Variants in KIAA1958 observed in about 807,000 individuals in gnomAD.
KIAA1958 encodes the protein uncharacterized protein KIAA1958.
A neutral mutation model predicts 47.2 loss-of-function variants in KIAA1958; 14 were observed. The observed-to-expected ratio is 0.30, with a 90% CI of 0.20 to 0.46. The LOEUF (loss-of-function observed/expected upper bound fraction) is 0.46. KIAA1958 is among the 20% of genes least tolerant of loss of function. The pLI, the probability that KIAA1958 is intolerant of heterozygous loss-of-function variation, is 1.00. For synonymous variants in KIAA1958, 354 were observed against 353.3 expected (o/e 1.00, Z -0.02); for missense variants, 803 against 909.2 (o/e 0.88, Z 1.50).
chr9:112,624,356 G>C (rs1836566704), intron 2 of KIAA1958, among the ~76,000 whole-genome samples: 1 of 152,190 alleles, frequency 6.6e-6, no homozygotes, highest in Admixed American at 6.5e-5. Context: ...TTCAAACATT[G>C]CTTTCCCTTC....
At chr9:112,638,145 T>C (rs975334047) in intron 2 of KIAA1958, among the ~76,000 whole-genome samples, 1 of 151,988 alleles carries the variant, frequency 6.6e-6, no homozygotes, top group Non-Finnish European at 1.5e-5. Flanking sequence ...AGAGACTCCA[T>C]CTCAAAAAAA....
intron 1 of KIAA1958, among the ~76,000 whole-genome samples, chr9:112,533,376 A>G (rs1175387025): frequency 2.6e-5 from 4 of 151,174 alleles, no homozygotes; most frequent in African/African-American, 4.9e-5. Flanking sequence ...GGAGATCGAG[A>G]CCACCCTGGC....
chr9:112,525,472 A>G (rs1392217848), intron 1 of KIAA1958, among the ~76,000 whole-genome samples: 1 of 152,234 alleles, frequency 6.6e-6, no homozygotes, highest in Non-Finnish European at 1.5e-5. Context: ...TCATTTATTC[A>G]TAATGGTATG....
In KIAA1958 at chr9:112,645,791, A is replaced by AATTGG. The variant is rs1836965079; in HGVS notation, c.1313_1314insATTGG (p.Asn438LysfsTer17). 1 of 1,613,630 alleles carries AATTGG rather than the reference A, an allele frequency of 6.2e-7. No homozygotes were observed. Among genetic ancestry groups the AATTGG allele is most frequent in the Non-Finnish European group, 8.5e-7 (1 of 1,179,908 alleles). On this transcript the variant is annotated frameshift_variant, in exon 3 of 4. Transcript: ENST00000337530. LOFTEE classifies it high-confidence loss of function. ...GTGTGGCGTTATTGGTGCATGACCA[A>AATTGG]CGGGCTCAAAGACCACACAGACATC...
At chr9:112,535,141 T>C (rs1834830267) in intron 1 of KIAA1958, among the ~76,000 whole-genome samples, 1 of 152,226 alleles carries the variant, frequency 6.6e-6, no homozygotes, top group Admixed American at 6.5e-5. Context: ...TTTTCAAGTG[T>C]ACGATATAAA....
intron 1 of KIAA1958, among the ~76,000 whole-genome samples, chr9:112,556,587 A>T (rs183398546): frequency 5.9e-5 from 9 of 152,298 alleles, no homozygotes; most frequent in East Asian, 5.8e-4. Context: ...TTCCTGTCTC[A>T]GCCTCCCAAA....
chr9:112,617,848 C>T, intron 2 of KIAA1958: 1 of 1,525,750 alleles, frequency 6.6e-7, no homozygotes, highest in Non-Finnish European at 8.8e-7. Context: ...CCTCTCTATC[C>T]CTCCCCCCCC....
chr9:112,644,672 T>G (rs1279207287), intron 2 of KIAA1958, among the ~76,000 whole-genome samples: 1 of 152,186 alleles, frequency 6.6e-6, no homozygotes, highest in Non-Finnish European at 1.5e-5. Flanking sequence ...TTAAACCATG[T>G]TCCCTTTCCT....
chr9:112,558,800 C>T (rs916670233), intron 1 of KIAA1958, among the ~76,000 whole-genome samples: 5 of 152,152 alleles, frequency 3.3e-5, no homozygotes. Flanking sequence ...AGATCTCATT[C>T]CCATGAGCAA....
chr9:112,625,518 A>G (rs982737250), intron 2 of KIAA1958, among the ~76,000 whole-genome samples: 4 of 151,764 alleles, frequency 2.6e-5, no homozygotes, highest in African/African-American at 9.7e-5. Context: ...AGGTGCTCAC[A>G]CCCTGTTAGG....
At chr9:112,591,021 A>G (rs957850966) in intron 2 of KIAA1958, among the ~76,000 whole-genome samples, 1 of 152,198 alleles carries the variant, frequency 6.6e-6, no homozygotes, top group African/African-American at 2.4e-5. Flanking sequence ...AAGGAAAAGA[A>G]GGGCTGTAAC....
chr9:112,559,325 A>C (rs1400932804), intron 1 of KIAA1958, among the ~76,000 whole-genome samples: 1 of 152,240 alleles, frequency 6.6e-6, no homozygotes, highest in Non-Finnish European at 1.5e-5. Context: ...CACACTGATA[A>C]ACTTTGGTTT....
At chr9:112,505,247 G>T (rs1587992129) in intron 1 of KIAA1958, among the ~76,000 whole-genome samples, 1 of 152,010 alleles carries the variant, frequency 6.6e-6, no homozygotes, top group African/African-American at 2.4e-5. Context: ...AGTTCTTTAG[G>T]CTAGCACCCT....
In KIAA1958 at chr9:112,574,611, A is replaced by G. The variant is rs1448822592; in HGVS notation, c.531A>G (p.Val177=). The G allele has an allele frequency of 6.2e-7, 1 of 1,614,204 alleles. No individual in the cohort carries two copies. Among genetic ancestry groups the G allele is most frequent in the East Asian group, 2.2e-5 (1 of 44,876 alleles). ...GCATTGCTCGCAAAAGACCTGGGGTAGTCCCATCTTCCCTCCATTCAAGCT... is the reference window on the plus strand; with the variant it reads ...GCATTGCTCGCAAAAGACCTGGGGTGGTCCCATCTTCCCTCCATTCAAGCT... ...PQSIARKRPG[V]VPSSLHSSSQ... is the part of the protein sequence containing the mutation. Residue 177 remains valine (V), a synonymous_variant, in exon 2 of 4, where the codon GTA becomes GTG. Transcript: ENST00000337530.
At chr9:112,563,213 A>C (rs1481131414) in intron 1 of KIAA1958, among the ~76,000 whole-genome samples, 1 of 151,888 alleles carries the variant, frequency 6.6e-6, no homozygotes, top group Non-Finnish European at 1.5e-5. Flanking sequence ...TATAGGTGTG[A>C]GCCTGTAATA....
intron 1 of KIAA1958, among the ~76,000 whole-genome samples, chr9:112,572,837 T>C (rs1835562830): frequency 6.6e-6 from 1 of 152,182 alleles, no homozygotes; most frequent in Admixed American, 6.5e-5. Context: ...GGATTTGAAC[T>C]TACCTAACCT....
chr9:112,551,401 G>C (rs1190349075), intron 1 of KIAA1958, among the ~76,000 whole-genome samples: 2 of 152,164 alleles, frequency 1.3e-5, no homozygotes, highest in Non-Finnish European at 2.9e-5. Flanking sequence ...CTTGCACTTA[G>C]TATAATGTCT....
intron 2 of KIAA1958, among the ~76,000 whole-genome samples, chr9:112,620,973 G>C (rs1965428): frequency 0.37 from 56,286 of 151,938 alleles, 12,915 homozygotes; most frequent in Non-Finnish European, 0.52. Context: ...CTTTGAAAAG[G>C]TGAGTTATCT....
intron 2 of KIAA1958, among the ~76,000 whole-genome samples, chr9:112,619,412 T>C (rs1244257353): frequency 1.3e-5 from 2 of 152,242 alleles, no homozygotes; most frequent in African/African-American, 4.8e-5. Context: ...TGTATTCAGC[T>C]AGATCCACAA....
Sources: gnomAD v4.1 joint callset for allele counts (sites outside exome capture counted in the v4.1 genomes callset) on GRCh38, gnomAD v4.1.1 for gene constraint, MANE v1.5 for transcripts, NCBI Gene and HGNC (gene_info 2026-07-23, HGNC 2026-07-21) for gene names.